HSD17B12: variants seen among roughly 807,000 people sequenced by gnomAD.
The protein encoded by HSD17B12 is hydroxysteroid 17-beta dehydrogenase 12, also known as very-long-chain 3-oxoacyl-CoA reductase.
In HSD17B12, 32 loss-of-function variants were observed where a neutral mutation model predicts 39.3. The observed-to-expected ratio is 0.81, with a 90% CI of 0.61 to 1.09. HSD17B12 has a LOEUF of 1.09. Among genes scored for constraint, HSD17B12 ranks in the 50% least tolerant of loss-of-function variants. The pLI is 0.00. For synonymous variants in HSD17B12, 150 were observed against 146.7 expected, an observed-to-expected ratio of 1.02 and a Z score of -0.16; for missense variants, 342 against 382.9, an observed-to-expected ratio of 0.89 and a Z score of 0.89.
the HSD17B12 span, among the ~76,000 whole-genome samples, chr11:43,662,686 A>C: frequency 2.0e-5 from 3 of 152,198 alleles, no homozygotes; most frequent in Non-Finnish European, 4.4e-5. Flanking sequence ...TCCCAGAGGA[A>C]TATCATGGAA....
At chr11:43,724,383 A>G (rs1950202812) in intron 1 of HSD17B12, among the ~76,000 whole-genome samples, 1 of 152,142 alleles carries the variant, frequency 6.6e-6, no homozygotes, top group Non-Finnish European at 1.5e-5. Context: ...TTGAAAATAA[A>G]TCCATCATTA....
chr11:43,667,439 C>G, the HSD17B12 span, among the ~76,000 whole-genome samples: 4 of 152,176 alleles, frequency 2.6e-5, no homozygotes, highest in Non-Finnish European at 5.9e-5. Flanking sequence ...CACACCGCAC[C>G]TAGCCTGAGT....
chr11:43,751,014 T>C, intron 2 of HSD17B12, 57 bp downstream of exon 2: 1 of 1,121,624 alleles, frequency 8.9e-7, no homozygotes, highest in Non-Finnish European at 1.3e-6. Context: ...AAATATGGGA[T>C]GATTTCTTAT....
chr11:43,712,877 G>A (rs1306594223), intron 1 of HSD17B12, among the ~76,000 whole-genome samples: 1 of 152,194 alleles, frequency 6.6e-6, no homozygotes, highest in East Asian at 1.9e-4. Context: ...GAGAATGAAT[G>A]TTAATGTAAA....
At chr11:43,640,237 C>T in the HSD17B12 span, among the ~76,000 whole-genome samples, 1 of 151,902 alleles carries the variant, frequency 6.6e-6, no homozygotes, top group Non-Finnish European at 1.5e-5. Flanking sequence ...CTCATTCCCC[C>T]CCTCTAAAGT....
chr11:43,834,501 C>G (rs909524222), intron 7 of HSD17B12, among the ~76,000 whole-genome samples: 1 of 152,030 alleles, frequency 6.6e-6, no homozygotes, highest in Admixed American at 6.6e-5. Context: ...CACTGTGGGA[C>G]AGTGATGAGG....
the HSD17B12 span, among the ~76,000 whole-genome samples, chr11:43,626,400 A>G: frequency 6.6e-6 from 1 of 151,882 alleles, no homozygotes; most frequent in Non-Finnish European, 1.5e-5. Context: ...CCATTTGTAT[A>G]TAATTCTAAA....
chr11:43,746,410 A>G (rs1474567650), intron 1 of HSD17B12, among the ~76,000 whole-genome samples: 1 of 152,160 alleles, frequency 6.6e-6, no homozygotes, highest in Non-Finnish European at 1.5e-5. Context: ...CAGAGATATA[A>G]AACATACACA....
chr11:43,680,200 A>G (rs1949727303), upstream of HSD17B12, among the ~76,000 whole-genome samples: 1 of 151,290 alleles, frequency 6.6e-6, no homozygotes, highest in African/African-American at 2.4e-5. Context: ...CAGCCTCCCG[A>G]GTAGCTGAGA....
At chr11:43,624,341 TCTC>T in the HSD17B12 span, among the ~76,000 whole-genome samples, 1 of 151,970 alleles carries the variant, frequency 6.6e-6, no homozygotes, top group Non-Finnish European at 1.5e-5. Flanking sequence ...TAGTAATGAC[TCTC>T]CTATGTCCAA....
At chr11:43,602,506 C>T in the HSD17B12 span, among the ~76,000 whole-genome samples, 4 of 152,068 alleles carry the variant, frequency 2.6e-5, no homozygotes, top group African/African-American at 9.7e-5. Context: ...ATGTAAACTC[C>T]ATGAGAGCAG....
At chr11:43,799,123 A>G (rs1164601103) in intron 4 of HSD17B12, among the ~76,000 whole-genome samples, 1 of 152,160 alleles carries the variant, frequency 6.6e-6, no homozygotes, top group African/African-American at 2.4e-5. Context: ...TTTGTTCACT[A>G]TTACCCCCCG....
intron 10 of HSD17B12, 126 bp downstream of exon 10, chr11:43,854,990 A>C: frequency 9.1e-7 from 1 of 1,098,294 alleles, no homozygotes; most frequent in Non-Finnish European, 1.3e-6. Flanking sequence ...CAAGATATCT[A>C]TATCTTGTTA....
the HSD17B12 span, among the ~76,000 whole-genome samples, chr11:43,662,786 A>G: frequency 9.2e-5 from 14 of 152,262 alleles, no homozygotes; most frequent in East Asian, 1.6e-3. Context: ...CACTTAGACT[A>G]TTGACTATTC....
At chr11:43,837,122 G>C (rs182986548) in intron 7 of HSD17B12, among the ~76,000 whole-genome samples, 12 of 152,182 alleles carry the variant, frequency 7.9e-5, no homozygotes, top group Non-Finnish European at 1.5e-4. Context: ...GATGGTTGAA[G>C]TGGCATCTCA....
intron 3 of HSD17B12, among the ~76,000 whole-genome samples, chr11:43,783,974 C>T (rs1176389178): frequency 6.6e-6 from 1 of 152,150 alleles, no homozygotes; most frequent in African/African-American, 2.4e-5. Flanking sequence ...TTTACAAAAT[C>T]TCTTTAATAT....
chr11:43,568,631 G>C, the HSD17B12 span, among the ~76,000 whole-genome samples: 6 of 152,188 alleles, frequency 3.9e-5, no homozygotes, highest in Non-Finnish European at 8.8e-5. Flanking sequence ...GGCAGATAGT[G>C]CCCACACATT....
chr11:43,822,185 C>A (rs1482822903), intron 6 of HSD17B12, among the ~76,000 whole-genome samples: 1 of 152,080 alleles, frequency 6.6e-6, no homozygotes, highest in Non-Finnish European at 1.5e-5. Context: ...GATGGGTGTG[C>A]GGCCCAAAGT....
chr11:43,682,323 C>A (rs1046562729), intron 1 of HSD17B12, among the ~76,000 whole-genome samples: 1 of 152,092 alleles, frequency 6.6e-6, no homozygotes, highest in African/African-American at 2.4e-5. Flanking sequence ...GAGGCCGAGG[C>A]GAGTGGATCA....
Sources: gnomAD v4.1 joint callset for allele counts (sites outside exome capture counted in the v4.1 genomes callset) on GRCh38, gnomAD v4.1.1 for gene constraint, MANE v1.5 for transcripts, NCBI Gene and HGNC (gene_info 2026-07-23, HGNC 2026-07-21) for gene names.